SLC30A6: variants seen among roughly 807,000 people sequenced by gnomAD.
SLC30A6 encodes zinc transporter 6.
In SLC30A6, 55 loss-of-function variants were observed where a neutral mutation model predicts 63.0. That is an observed-to-expected ratio of 0.87 (90% confidence interval 0.70 to 1.09). The LOEUF (loss-of-function observed/expected upper bound fraction) is 1.09. Ranked by LOEUF, SLC30A6 falls within the 50% of genes least tolerant of loss-of-function variation. The pLI, the probability that SLC30A6 is intolerant of heterozygous loss-of-function variation, is 0.00. For synonymous variants in SLC30A6, 224 were observed against 186.1 expected (o/e 1.20, Z -1.66); for missense variants, 587 against 549.2 (o/e 1.07, Z -0.69).
intron 13 of SLC30A6, 41 bp from the exon 14 acceptor site, chr2:32,220,172 A>T (rs760549291): frequency 6.4e-6 from 10 of 1,560,334 alleles, no homozygotes; most frequent in Non-Finnish European, 8.7e-6. Context: ...TTGTTAGTAT[A>T]ATTCTAAGCA....
intron 10 of SLC30A6, among the ~76,000 whole-genome samples, chr2:32,198,140 G>C (rs1683962333): frequency 6.6e-6 from 1 of 152,184 alleles, no homozygotes; most frequent in South Asian, 2.1e-4. Flanking sequence ...AGAGAGGGAG[G>C]AGAAGAGGAC....
At chr2:32,173,376 T>A (rs1227516158) in intron 2 of SLC30A6, among the ~76,000 whole-genome samples, 5 of 135,604 alleles carry the variant, frequency 3.7e-5, no homozygotes, top group Non-Finnish European at 7.8e-5. Flanking sequence ...AAGTCAGTAC[T>A]TTTTTTTTTT....
At chr2:32,188,648 T>C (rs1406828232) in intron 5 of SLC30A6, among the ~76,000 whole-genome samples, 2 of 152,138 alleles carry the variant, frequency 1.3e-5, no homozygotes, top group Non-Finnish European at 2.9e-5. Flanking sequence ...GAGCCAAGAT[T>C]GTGCCACTGT....
At chr2:32,202,716 G>A in intron 10 of SLC30A6, 1 of 685,748 alleles carries the variant, frequency 1.5e-6, no homozygotes, top group South Asian at 1.6e-5. Flanking sequence ...ACAAGTTGAA[G>A]ATATTATTCA....
rs1205892664 is a variant in SLC30A6, at chr2:32,192,347, T to G, written c.296T>G (p.Leu99Ter). 1.2e-6 allele frequency: 2 copies of G among 1,614,044 alleles called. No homozygotes were observed. Among genetic ancestry groups the G allele is most frequent in the Non-Finnish European group, 1.7e-6 (2 of 1,179,944 alleles). The change falls in exon 6 of 14, where the codon TTA (leucine) becomes TGA (stop). Residue 99 changes from leucine (L) to a stop codon, truncating the protein, a stop_gained. Transcript: ENST00000282587. LOFTEE classifies it high-confidence loss of function. ...SPVYSFGFER[L>*]EVLAVFASTV... ...TGTTTTGGTTTCAGGTTTGAAAGAT[T>G]AGAAGTCCTGGCTGTATTTGCCTCC...
At chr2:32,215,517 T>TATATATATATATATATATATATATATATA (rs1553339788) in intron 13 of SLC30A6, among the ~76,000 whole-genome samples, 1 of 89,414 alleles carries the variant, frequency 1.1e-5, no homozygotes, top group African/African-American at 4.0e-5. Context: ...TATATATATA[T>TATATATATATATATATATATATATATATA]TTTTTTTTTT....
intron 8 of SLC30A6, among the ~76,000 whole-genome samples, chr2:32,196,417 C>A (rs1363224318): frequency 6.6e-6 from 1 of 152,114 alleles, no homozygotes; most frequent in African/African-American, 2.4e-5. Context: ...AAATACTTTA[C>A]ATAGAATAAC....
At chr2:32,188,841 G>C (rs1490427454) in intron 5 of SLC30A6, among the ~76,000 whole-genome samples, 2 of 152,106 alleles carry the variant, frequency 1.3e-5, no homozygotes, top group Non-Finnish European at 2.9e-5. Flanking sequence ...CTCCCTTCGT[G>C]TCCATTCAGA....
chr2:32,216,264 G>A (rs1027532531), intron 13 of SLC30A6, among the ~76,000 whole-genome samples: 2 of 152,042 alleles, frequency 1.3e-5, no homozygotes, highest in South Asian at 2.1e-4. Flanking sequence ...GGCTGGGCGC[G>A]GTGGCTCATG....
At chr2:32,170,851 G>A (rs1333148019) in intron 1 of SLC30A6, among the ~76,000 whole-genome samples, 2 of 152,088 alleles carry the variant, frequency 1.3e-5, no homozygotes. Flanking sequence ...CCTCTGCCTC[G>A]GCCTCCCAAA....
intron 9 of SLC30A6, 69 bp downstream of exon 9, chr2:32,197,461 G>A (rs1244696484): frequency 2.1e-6 from 3 of 1,457,580 alleles, no homozygotes; most frequent in East Asian, 2.3e-5. Flanking sequence ...TCTATCATGG[G>A]AACTTAAATT....
intron 10 of SLC30A6, chr2:32,201,900 A>G: frequency 6.8e-7 from 1 of 1,476,924 alleles, no homozygotes. Context: ...AGACCAAAAA[A>G]ATTAAAATGA....
chr2:32,210,082 A>T (rs1320250434), intron 13 of SLC30A6, among the ~76,000 whole-genome samples: 1 of 152,216 alleles, frequency 6.6e-6, no homozygotes, highest in African/African-American at 2.4e-5. Context: ...TACCAGAGAG[A>T]CTTTATTATG....
intron 13 of SLC30A6, among the ~76,000 whole-genome samples, chr2:32,213,820 T>G (rs2148903864): frequency 6.9e-6 from 1 of 145,840 alleles, no homozygotes; most frequent in Non-Finnish European, 1.5e-5. Flanking sequence ...TGTTTTTGTT[T>G]TGAGACGGAG....
At chr2:32,216,773 GT>G (rs1685748881) in intron 13 of SLC30A6, among the ~76,000 whole-genome samples, 1 of 151,646 alleles carries the variant, frequency 6.6e-6, no homozygotes, top group Admixed American at 6.6e-5. Flanking sequence ...TGCTTGTTCA[GT>G]TTTTAAGTTC....
chr2:32,182,597 C>G (rs1387392366), intron 4 of SLC30A6, among the ~76,000 whole-genome samples: 1 of 152,186 alleles, frequency 6.6e-6, no homozygotes, highest in Non-Finnish European at 1.5e-5. Flanking sequence ...TCAAACTTCT[C>G]TTTATCTCTC....
chr2:32,218,166 A>G (rs1192261411), intron 13 of SLC30A6, among the ~76,000 whole-genome samples: 1 of 152,172 alleles, frequency 6.6e-6, no homozygotes, highest in Non-Finnish European at 1.5e-5. Flanking sequence ...CACGCCCGTA[A>G]TCCCAGCACT....
At chr2:32,211,811 G>A (rs896588096) in intron 13 of SLC30A6, among the ~76,000 whole-genome samples, 2 of 151,742 alleles carry the variant, frequency 1.3e-5, no homozygotes, top group Admixed American at 1.3e-4. Flanking sequence ...GTAGAGATGG[G>A]GTTTTACCAT....
At chr2:32,212,583 CTTTTTTTTTTTT>C (rs1193348947) in intron 13 of SLC30A6, among the ~76,000 whole-genome samples, 3 of 83,022 alleles carry the variant, frequency 3.6e-5, no homozygotes, top group Non-Finnish European at 7.2e-5. Flanking sequence ...CCATTTTTAC[CTTTTTTTTTTTT>C]TTTTTTTTTT....
Sources: allele counts gnomAD v4.1 joint callset (sites outside exome capture counted in the v4.1 genomes callset), GRCh38; gene constraint gnomAD v4.1.1; transcripts MANE v1.5; gene names NCBI Gene and HGNC (gene_info 2026-07-23, HGNC 2026-07-21).